EXD1: variants seen among roughly 807,000 people sequenced by gnomAD.
EXD1 encodes the protein piRNA biogenesis protein EXD1.
EXD1 carries 63 observed loss-of-function variants against 49.1 expected under a neutral mutation model. That is an observed-to-expected ratio of 1.28 (90% CI 1.05 to 1.58). The LOEUF (loss-of-function observed/expected upper bound fraction) is 1.58. Ranked by LOEUF, EXD1 falls within the 40% of genes most tolerant of loss-of-function variation. The pLI is 0.00. For synonymous variants in EXD1, 234 were observed against 239.2 expected, an observed-to-expected ratio of 0.98 and a Z score of 0.20; for missense variants, 748 against 666.0, an observed-to-expected ratio of 1.12 and a Z score of -1.36.
At chr15:41,215,561 C>T (rs1224157955) in intron 6 of EXD1, among the ~76,000 whole-genome samples, 1 of 151,920 alleles carries the variant, frequency 6.6e-6, no homozygotes, top group Non-Finnish European at 1.5e-5. Context: ...TGGCGGGCAC[C>T]TGTAGTCCCA....
At chr15:41,224,776 G>A (rs574283837) in intron 2 of EXD1, among the ~76,000 whole-genome samples, 3 of 152,020 alleles carry the variant, frequency 2.0e-5, no homozygotes, top group African/African-American at 7.2e-5. Flanking sequence ...GCAACACAGG[G>A]AGACCCCATT....
intron 7 of EXD1, among the ~76,000 whole-genome samples, chr15:41,208,305 A>T (rs2140875909): frequency 6.7e-6 from 1 of 149,554 alleles, no homozygotes; most frequent in South Asian, 2.2e-4. Context: ...AGGCTGACTC[A>T]GAAGGATTGC....
Position 41,230,479 on chromosome 15 carries a change from C to T in EXD1, c.-54G>A, listed in dbSNP as rs771849110. 2 of 1,613,584 alleles carry T rather than the reference C, an allele frequency of 1.2e-6. No homozygotes were observed. Among genetic ancestry groups the T allele is most frequent in the Non-Finnish European group, 1.7e-6 (2 of 1,179,492 alleles). On this transcript the variant is annotated splice_region_variant and 5_prime_UTR_variant, in exon 1 of 12. It adds an upstream start codon to the 5' untranslated region. Coordinates refer to ENST00000458580, the MANE Select transcript of EXD1 (RefSeq NM_001286441.2). ...AAGGAACTTCAAATAAATGGCGGAC[C>T]ATAAGCTAGGAATTCACTGTCCTCC...
At chr15:41,197,158 C>G (rs2046626932) in intron 7 of EXD1, among the ~76,000 whole-genome samples, 3 of 151,694 alleles carry the variant, frequency 2.0e-5, no homozygotes, top group African/African-American at 7.3e-5. Context: ...GTACTTGATT[C>G]TTAGAGAAAA....
intron 2 of EXD1, among the ~76,000 whole-genome samples, chr15:41,223,619 T>C (rs1255539744): frequency 6.6e-6 from 1 of 151,928 alleles, no homozygotes; most frequent in East Asian, 1.9e-4. Context: ...CCCAGCACTT[T>C]GGGAGGCCGA....
Position 41,217,864 on chromosome 15 carries a change from CTA to C in EXD1, c.203-712_203-711del, listed in dbSNP as rs1161293434. On this transcript the variant is annotated intron_variant, in intron 3 of 11. Transcript: ENST00000458580. ...TAGGTACTTTTCAAGCAAAAAGCCT[CTA>C]TGTTTCAAAAGTCTCTTTTCTCTGT... Among the ~76,000 whole-genome samples, 13 of 152,262 alleles carry C rather than the reference CTA, an allele frequency of 8.5e-5. No homozygotes were observed. In the East Asian group the frequency reaches 2.5e-3, roughly 29 times the overall value.
At chr15:41,202,653 G>A (rs2046750653) in intron 7 of EXD1, among the ~76,000 whole-genome samples, 1 of 152,000 alleles carries the variant, frequency 6.6e-6, no homozygotes, top group South Asian at 2.1e-4. Context: ...TTTTTGTAGA[G>A]ACGGGGTTTC....
intron 7 of EXD1, among the ~76,000 whole-genome samples, chr15:41,207,855 A>G (rs1289264179): frequency 6.6e-6 from 1 of 151,910 alleles, no homozygotes; most frequent in African/African-American, 2.4e-5. Context: ...TACTAAAAAG[A>G]CAAAAATTAG....
chr15:41,184,537 C>T lies in EXD1; in HGVS notation c.1113G>A (p.Gln371=), dbSNP rs1382806030. The T allele has an allele frequency of 1.1e-5, 17 of 1,611,500 alleles. No individual in the cohort carries two copies. Among genetic ancestry groups the T allele is most frequent in the Non-Finnish European group, 1.4e-5 (16 of 1,179,360 alleles). Residue 371 remains glutamine, a synonymous_variant, in exon 12 of 12, where the codon CAG becomes CAA. Transcript: ENST00000458580. Reference sequence around the variant, plus strand: ...ATTCTCTTGCAGCTTTCTCCCTGCGCTGCTTCTGGAAGTCCTTGAGTTGAA... The same window carrying T: ...ATTCTCTTGCAGCTTTCTCCCTGCGTTGCTTCTGGAAGTCCTTGAGTTGAA... ...ELLQLKDFQK[Q]RREKAAREYR... is the part of the protein sequence containing the mutation.
At chr15:41,227,918 C>T (rs1434349716) in intron 1 of EXD1, among the ~76,000 whole-genome samples, 5 of 151,672 alleles carry the variant, frequency 3.3e-5, no homozygotes, top group East Asian at 1.9e-4. Flanking sequence ...GCTGTAGTGA[C>T]GCACACCTGT....
chr15:41,219,758 TAAGAC>T, intron 3 of EXD1, 67 bp downstream of exon 3: 4 of 1,296,404 alleles, frequency 3.1e-6, no homozygotes, highest in Non-Finnish European at 4.3e-6. Context: ...AGCACAACAT[TAAGAC>T]AAGACAATTT....
intron 7 of EXD1, among the ~76,000 whole-genome samples, chr15:41,202,832 C>T (rs951845309): frequency 6.0e-5 from 9 of 150,500 alleles, no homozygotes; most frequent in South Asian, 2.1e-4. Flanking sequence ...GCGCGAGAAT[C>T]GCTGGAACTC....
At chr15:41,215,909 A>G (rs2046993131) in intron 5 of EXD1, 76 bp from the exon 6 acceptor site, 1 of 1,451,362 alleles carries the variant, frequency 6.9e-7, no homozygotes, top group East Asian at 2.3e-5. Context: ...TTTTGGCCAC[A>G]CTCATATATT....
intron 6 of EXD1, among the ~76,000 whole-genome samples, chr15:41,213,707 C>G (rs1219035965): frequency 1.3e-5 from 2 of 152,034 alleles, no homozygotes; most frequent in African/African-American, 4.8e-5. Context: ...CCATGTTGGT[C>G]AGGCTGTTTT....
At chr15:41,203,584 A>ACGGAAAC (rs2046768174) in intron 7 of EXD1, among the ~76,000 whole-genome samples, 1 of 152,226 alleles carries the variant, frequency 6.6e-6, no homozygotes, top group East Asian at 1.9e-4. Flanking sequence ...GAAGGCGATC[A>ACGGAAAC]CGGAAACCAG....
chr15:41,220,237 C>G (rs10152631), intron 2 of EXD1, among the ~76,000 whole-genome samples: 43 of 151,194 alleles, frequency 2.8e-4, no homozygotes, highest in Non-Finnish European at 5.7e-4. Flanking sequence ...TTTTACTCCA[C>G]TTAACTCCAG....
chr15:41,188,015 CAAAAAAAAA>C (rs11321304), intron 11 of EXD1, among the ~76,000 whole-genome samples: 3 of 111,660 alleles, frequency 2.7e-5, no homozygotes, highest in Admixed American at 9.9e-5. Context: ...AACCCCGTCT[CAAAAAAAAA>C]AAAAAAAAAA....
At position 41,183,985 on chromosome 15, in the gene EXD1, A is replaced by G. The variant is rs754198618; in HGVS notation, c.1665T>C (p.Cys555=). The change falls in exon 12 of 12, where the codon TGT becomes TGC. Residue 555 remains cysteine (C), a synonymous_variant. Coordinates refer to ENST00000458580, the MANE Select transcript of EXD1 (RefSeq NM_001286441.2). ...RKTVVSTLPP[C]PALEKIDSWI... ...AGGAATCGATCTTCTCCAAGGCTGG[A>G]CAGGGAGGGAGTGTGGAAACCACAG... 1 of 1,613,212 alleles carries G rather than the reference A, an allele frequency of 6.2e-7. No homozygotes were observed. Among genetic ancestry groups the G allele is most frequent in the Non-Finnish European group, 8.5e-7 (1 of 1,179,580 alleles).
At chr15:41,224,083 G>A (rs185680734) in intron 2 of EXD1, among the ~76,000 whole-genome samples, 3 of 151,508 alleles carry the variant, frequency 2.0e-5, no homozygotes, top group African/African-American at 7.3e-5. Context: ...GGGATTACAG[G>A]TGCCCGCCAC....
Sources: allele counts gnomAD v4.1 joint callset (sites outside exome capture counted in the v4.1 genomes callset), GRCh38; gene constraint gnomAD v4.1.1; transcripts MANE v1.5; gene names NCBI Gene and HGNC (gene_info 2026-07-23, HGNC 2026-07-21).